TTYH3: variants seen among roughly 807,000 people sequenced by gnomAD.
The protein encoded by TTYH3 is protein tweety homolog 3.
In TTYH3, 23 loss-of-function variants were observed where a neutral mutation model predicts 68.2. The ratio of observed to expected loss-of-function variants is 0.34; its 90% CI spans 0.24 to 0.48. The LOEUF is 0.48. Ranked by LOEUF, TTYH3 falls within the 20% of genes least tolerant of loss-of-function variation. TTYH3 has a pLI of 0.99. For missense variants in TTYH3, 768 were observed against 727.7 expected, an observed-to-expected ratio of 1.06 and a Z score of -0.64; for synonymous variants, 360 against 332.8, an observed-to-expected ratio of 1.08 and a Z score of -0.89.
intron 1 of TTYH3, among the ~76,000 whole-genome samples, chr7:2,640,201 G>A (rs913545868): frequency 2.6e-5 from 4 of 152,226 alleles, no homozygotes; most frequent in African/African-American, 9.6e-5. Flanking sequence ...TGTGGCTGGG[G>A]CTGGAGGCTG....
chr7:2,645,670 G>A lies in TTYH3; in HGVS notation c.124-1183G>A, dbSNP rs373394541. On this transcript the variant is annotated intron_variant, in intron 1 of 13. Transcript: ENST00000258796. The surrounding 1 kb of genome is among the most constrained non-coding windows in gnomAD (Gnocchi z 4.8). The stretch of plus-strand genomic sequence containing the variant: ...CCCCACCATCTCATCCAGCGTGGGG[G>A]CACGCCATGGACGGTGCCCACCCCT... The A allele has an allele frequency of 4.9e-6, 2 of 404,874 alleles. No homozygotes were observed. The highest frequency in any genetic ancestry group is 2.1e-5 in the African/African-American group (1 of 47,500). 25.1% of individuals were successfully genotyped at this position (404,874 alleles called of 1,614,324 possible). A position where few individuals can be genotyped will look rare whatever the true frequency, so the allele number is the denominator to read the frequency against.
intron 11 of TTYH3, 116 bp downstream of exon 11, chr7:2,656,650 A>C: frequency 7.9e-7 from 1 of 1,261,556 alleles, no homozygotes; most frequent in Non-Finnish European, 1.1e-6. Context: ...AGGGACAGAC[A>C]CCTCCTCACC....
intron 1 of TTYH3, among the ~76,000 whole-genome samples, chr7:2,638,629 C>G (rs902282786): frequency 6.6e-6 from 1 of 152,196 alleles, no homozygotes; most frequent in Non-Finnish European, 1.5e-5. Flanking sequence ...CCGGCTCCCA[C>G]GTGGCCGCTG....
rs541755852 is a variant in TTYH3, at chr7:2,640,579, C to T, written c.124-6274C>T. ...CAGGCAGTGTGCCCTGCCCTGCTGT[C>T]ATGCATGGCCCTCCCACCTTGGCAG... On this transcript the variant is annotated intron_variant, in intron 1 of 13. Coordinates refer to ENST00000258796, the MANE Select transcript of TTYH3 (RefSeq NM_025250.3). Among the ~76,000 whole-genome samples, 269 of 152,338 alleles carry T rather than the reference C, an allele frequency of 1.8e-3. 2 individuals are homozygous for T. The highest frequency in any genetic ancestry group is 6.1e-3 in the African/African-American group (254 of 41,576).
At chr7:2,658,916 A>G in intron 12 of TTYH3, 24 bp from the exon 13 acceptor site, 1 of 1,612,508 alleles carries the variant, frequency 6.2e-7, no homozygotes, top group South Asian at 1.1e-5. Context: ...AGGCACTCAC[A>G]GCCTCTCTCC....
At chr7:2,660,233 A>C in intron 13 of TTYH3, 1 of 985,390 alleles carries the variant, frequency 1.0e-6, no homozygotes, top group African/African-American at 1.7e-5. Context: ...CGCCAGCCTC[A>C]CAGTGGGGTT....
intron 6 of TTYH3, 64 bp from the exon 7 acceptor site, chr7:2,649,849 C>T: frequency 1.3e-6 from 2 of 1,580,868 alleles, no homozygotes; most frequent in South Asian, 1.1e-5. Context: ...CGGGTTCTAC[C>T]CCCGAGAGCT....
At position 2,663,282 on chromosome 7, in the gene TTYH3, A is replaced by G. The variant is rs1306546464; in HGVS notation, c.*1543A>G. On this transcript the variant is annotated 3_prime_UTR_variant, in exon 14 of 14. Transcript: ENST00000258796. ...GCCAGCCCCAGCAGTTTACAGACGC[A>G]TGGCTCTTCCTCCCAGAGCAGCCGG... is the stretch of plus-strand genomic sequence containing the variant. The G allele has an allele frequency of 6.5e-6, 1 of 152,700 alleles. No homozygotes were observed. The highest frequency in any genetic ancestry group is 2.4e-5 in the African/African-American group (1 of 41,446). 9.5% of individuals were successfully genotyped at this position (152,700 alleles called of 1,614,324 possible).
intron 13 of TTYH3, chr7:2,660,423 C>T (rs1786463439): frequency 1.0e-6 from 1 of 985,330 alleles, no homozygotes; most frequent in Non-Finnish European, 1.2e-6. Context: ...GAGGCACCAA[C>T]TGCGTGTCAG....
Position 2,656,131 on chromosome 7 carries a change from G to C in TTYH3, c.1060G>C (p.Glu354Gln). The change falls in exon 10 of 14, where the codon GAG (glutamate) becomes CAG (glutamine). Residue 354 changes from glutamate (E) to glutamine (Q), a missense_variant. Glu to Gln is a conservative substitution (Grantham distance 29). Transcript: ENST00000258796. ...CGTCCAGGAGGTGCTGAATGGCACG[G>C]AGGTGAACCTGCAGCACCTCACCGC... ...LRVQEVLNGT[E>Q]VNLQHLTALV... 1 of 1,569,636 alleles carries C rather than the reference G, an allele frequency of 6.4e-7. No homozygotes were observed. The highest frequency in any genetic ancestry group is 8.6e-7 in the Non-Finnish European group (1 of 1,157,524).
In TTYH3 at chr7:2,653,000, C is replaced by T. The variant is rs138377725; in HGVS notation, c.1010C>T (p.Pro337Leu). 2,393 of 1,570,260 alleles carry T rather than the reference C, an allele frequency of 1.5e-3. 8 individuals are homozygous for T. Among genetic ancestry groups the T allele is most frequent in the Non-Finnish European group, 2.0e-3 (2,262 of 1,157,588 alleles). Residue 337 changes from proline to leucine, a missense_variant, in exon 9 of 14, where the codon CCG (proline) becomes CTG (leucine). Physicochemically the swap from Pro to Leu is moderately conservative, Grantham distance 98. Transcript: ENST00000258796. ...CTGAGGACCGTCCCCTGGGAGCAGC[C>T]GGCCACTAAGGTGAGGGGCTGCGGG... ...ELLRTVPWEQ[P>L]ATKDPLLRVQ... is the part of the protein sequence containing the mutation.
chr7:2,650,108 G>T, intron 7 of TTYH3, 120 bp downstream of exon 7: 1 of 974,506 alleles, frequency 1.0e-6, no homozygotes, highest in Middle Eastern at 3.2e-4. Flanking sequence ...CAGGGAGACA[G>T]GTCCCAGGCC....
chr7:2,656,141 T>A lies in TTYH3; in HGVS notation c.1070T>A (p.Leu357Gln). The change falls in exon 10 of 14, where the codon CTG becomes CAG. Residue 357 changes from leucine to glutamine, a missense_variant. Transcript: ENST00000258796. Reference sequence around the variant, plus strand: ...GTGCTGAATGGCACGGAGGTGAACCTGCAGCACCTCACCGCCCTGGTGGAC... The same window carrying A: ...GTGCTGAATGGCACGGAGGTGAACCAGCAGCACCTCACCGCCCTGGTGGAC... ...QEVLNGTEVNLQHLTALVDCR... is the reference protein window; with the variant it reads ...QEVLNGTEVNQQHLTALVDCR... The A allele has an allele frequency of 6.4e-7, 1 of 1,571,624 alleles. No homozygotes were observed. The highest frequency in any genetic ancestry group is 8.6e-7 in the Non-Finnish European group (1 of 1,158,838).
At chr7:2,653,567 AAAAAT>A (rs1427166148) in intron 9 of TTYH3, among the ~76,000 whole-genome samples, 4 of 152,188 alleles carry the variant, frequency 2.6e-5, no homozygotes, top group South Asian at 4.1e-4. Context: ...AATATGTTAA[AAAAAT>A]AAAATAAAGG....
chr7:2,661,561 GC>G (rs1280934743), intron 13 of TTYH3, 106 bp from the exon 14 acceptor site: 10 of 1,114,538 alleles, frequency 9.0e-6, no homozygotes, highest in Non-Finnish European at 8.0e-6. Flanking sequence ...GTCCCATTCT[GC>G]CCCCAGGGCT....
At chr7:2,654,845 C>T (rs1022878282) in intron 9 of TTYH3, among the ~76,000 whole-genome samples, 25 of 150,470 alleles carry the variant, frequency 1.7e-4, no homozygotes, top group Admixed American at 6.6e-4. Context: ...AGTGCAGTGG[C>T]GCAATCTCGG....
intron 2 of TTYH3, 46 bp downstream of exon 2, chr7:2,647,068 GC>G (rs1379117452): frequency 6.5e-6 from 7 of 1,070,564 alleles, no homozygotes; most frequent in African/African-American, 3.2e-5. Context: ...AGAGGGGGCG[GC>G]CCGAGGGGGC....
At chr7:2,640,006 A>G (rs1583557358) in intron 1 of TTYH3, among the ~76,000 whole-genome samples, 1 of 152,178 alleles carries the variant, frequency 6.6e-6, no homozygotes, top group Admixed American at 6.5e-5. Context: ...CTGGCCTGCC[A>G]GCTCACCCGC....
At chr7:2,632,402 G>A (rs1785546951) in intron 1 of TTYH3, 124 bp downstream of exon 1, 4 of 1,019,154 alleles carry the variant, frequency 3.9e-6, no homozygotes, top group Admixed American at 3.3e-5. Context: ...CAGGGTCACG[G>A]CCACCTCCTC....
Sources: gnomAD v4.1 joint callset for allele counts (sites outside exome capture counted in the v4.1 genomes callset) on GRCh38, gnomAD v4.1.1 for gene constraint, Gnocchi (gnomAD v3.1) non-coding constraint, MANE v1.5 for transcripts, NCBI Gene and HGNC (gene_info 2026-07-23, HGNC 2026-07-21) for gene names.